The following VAV2 variants were observed in gnomAD, a reference collection of about 807,000 sequenced individuals.
VAV2 encodes vav guanine nucleotide exchange factor 2.
A neutral mutation model predicts 132.5 loss-of-function variants in VAV2; 67 were observed. That is an observed-to-expected ratio of 0.51 (90% CI 0.42 to 0.62). The LOEUF is 0.62. VAV2 is among the 20% of genes least tolerant of loss of function. The pLI is 0.00. For synonymous variants in VAV2, 492 were observed against 443.5 expected, an observed-to-expected ratio of 1.11 and a Z score of -1.37; for missense variants, 938 against 1,153.6, an observed-to-expected ratio of 0.81 and a Z score of 2.71.
chr9:133,817,561 T>C (rs956329295), intron 4 of VAV2, among the ~76,000 whole-genome samples: 1 of 152,110 alleles, frequency 6.6e-6, no homozygotes, highest in African/African-American at 2.4e-5. Flanking sequence ...TGAGCTGAGA[T>C]TGCACCACTG....
At chr9:133,850,123 G>A (rs1384273356) in intron 3 of VAV2, among the ~76,000 whole-genome samples, 1 of 152,164 alleles carries the variant, frequency 6.6e-6, no homozygotes, top group African/African-American at 2.4e-5. Context: ...CACCAGCTCT[G>A]CCCATCAGGC....
At chr9:133,809,314 CCCATT>C (rs1014390948) in intron 6 of VAV2, among the ~76,000 whole-genome samples, 176 bp from the exon 7 acceptor site, 1 of 152,192 alleles carries the variant, frequency 6.6e-6, no homozygotes, top group African/African-American at 2.4e-5. Context: ...CCAACCCCTT[CCCATT>C]CATTTTGCAG....
intron 1 of VAV2, among the ~76,000 whole-genome samples, chr9:133,976,534 T>C (rs1187467850): frequency 6.6e-6 from 1 of 152,218 alleles, no homozygotes; most frequent in Admixed American, 6.5e-5. Context: ...AGGGAGAGGC[T>C]ATTTATTTTA....
chr9:133,871,375 TGGATGGATGGATGAATAGATGGACGGAC>T (rs1456981154), intron 2 of VAV2, among the ~76,000 whole-genome samples: 2 of 150,650 alleles, frequency 1.3e-5, no homozygotes, highest in East Asian at 3.9e-4. Context: ...GGTGGGTGGA[TGGATGGATGGATGAATAGATGGACGGAC>T]GGATGGATGG....
intron 2 of VAV2, among the ~76,000 whole-genome samples, chr9:133,893,711 T>C (rs767551197): frequency 2.6e-5 from 4 of 152,164 alleles, no homozygotes; most frequent in East Asian, 1.9e-4. Flanking sequence ...GCAGCTTTCA[T>C]TGCCTGAACC....
intron 2 of VAV2, among the ~76,000 whole-genome samples, chr9:133,870,192 T>C (rs1383366645): frequency 2.0e-5 from 3 of 152,124 alleles, no homozygotes; most frequent in Non-Finnish European, 2.9e-5. Context: ...TCTCAGCCAG[T>C]GCATTGGGCA....
Position 133,834,253 on chromosome 9 carries a change from T to C in VAV2, c.449+19A>G. On this transcript the variant is annotated intron_variant, in intron 4 of 29. Transcript: ENST00000371850. This position sits in a 1 kb window ranked among gnomAD's most constrained non-coding sequence, Gnocchi z 5.9. ...GCCCCTCCCTCCTCTCCATCCCTCC[T>C]CCCATCCCCCCGCCTTACTCGGCCA... 6.8e-7 allele frequency: 1 copy of C among 1,473,934 alleles called. No homozygotes were observed. The highest frequency in any genetic ancestry group is 9.3e-7 in the Non-Finnish European group (1 of 1,072,990). The allele number at this position is 1,473,934 out of a possible 1,614,324, so 91.3% of individuals were successfully genotyped here. A position where few individuals can be genotyped will look rare whatever the true frequency, so the allele number is the denominator to read the frequency against.
At position 133,850,459 on chromosome 9, in the gene VAV2, T is replaced by C. The variant is rs571436776; in HGVS notation, c.380+10915A>G. Among the ~76,000 whole-genome samples the C allele has an allele frequency of 6.6e-5, 10 of 151,964 alleles. No homozygotes were observed. The South Asian group carries it at 1.7e-3, about 25-fold the overall frequency. On this transcript the variant is annotated intron_variant, in intron 3 of 29. Coordinates refer to ENST00000371850, the MANE Select transcript of VAV2 (RefSeq NM_001134398.2). ...CGGGCCCAGCAGAACAAGGCACCAA[T>C]AGAATGAGGAACGAATGAGGGAATG...
chr9:133,834,734 G>A lies in VAV2; in HGVS notation c.381-394C>T, dbSNP rs998710126. Among the ~76,000 whole-genome samples, 1 of 152,200 alleles carries A rather than the reference G, an allele frequency of 6.6e-6. No individual in the cohort carries two copies. The highest frequency in any genetic ancestry group is 2.4e-5 in the African/African-American group (1 of 41,448). ...AGATGAGGCTCCTCGCACACCTCCTGGTGGGCAGGTGGGAGGGCTGCCAGC... is the reference window on the plus strand; with the variant it reads ...AGATGAGGCTCCTCGCACACCTCCTAGTGGGCAGGTGGGAGGGCTGCCAGC... On this transcript the variant is annotated intron_variant, in intron 3 of 29. Transcript: ENST00000371850. This position sits in a 1 kb window ranked among gnomAD's most constrained non-coding sequence, Gnocchi z 5.9.
At chr9:133,777,870 A>G (rs1434491888) in intron 22 of VAV2, among the ~76,000 whole-genome samples, 1 of 152,192 alleles carries the variant, frequency 6.6e-6, no homozygotes, top group African/African-American at 2.4e-5. Flanking sequence ...ACCATGACAA[A>G]ATGACCACAG....
At chr9:133,924,734 T>C (rs1317414332) in intron 2 of VAV2, among the ~76,000 whole-genome samples, 1 of 152,146 alleles carries the variant, frequency 6.6e-6, no homozygotes, top group East Asian at 1.9e-4. Flanking sequence ...TCCTGAGCCC[T>C]GGAAGGGAGG....
intron 2 of VAV2, among the ~76,000 whole-genome samples, chr9:133,880,028 G>A (rs937265576): frequency 2.0e-5 from 3 of 152,224 alleles, no homozygotes; most frequent in African/African-American, 7.2e-5. Context: ...ATGAGAGTGA[G>A]GACACGGATA....
rs540359115 is a variant in VAV2, at chr9:133,939,237, AG to A, written c.205-19del. 1,391 of 1,605,158 alleles carry A rather than the reference AG, an allele frequency of 8.7e-4. 12 individuals are homozygous for A. The African/African-American group carries it at 0.016, about 19-fold the overall frequency. On this transcript the variant is annotated intron_variant, in intron 1 of 29. Transcript: ENST00000371850. Reference sequence around the variant, plus strand: ...CACAGAAACTAAAGGGAAAAAACAAAGGGAGGGCAAGGAAAAACTTATTAAA... The same window carrying A: ...CACAGAAACTAAAGGGAAAAAACAAAGGAGGGCAAGGAAAAACTTATTAAA...
intron 9 of VAV2, among the ~76,000 whole-genome samples, chr9:133,799,111 G>T (rs1035503520): frequency 6.6e-6 from 1 of 152,256 alleles, no homozygotes; most frequent in African/African-American, 2.4e-5. Context: ...CGTCCTGATG[G>T]TGGGGTCTTG....
At chr9:133,858,645 C>G (rs1184356671) in intron 3 of VAV2, among the ~76,000 whole-genome samples, 1 of 152,200 alleles carries the variant, frequency 6.6e-6, no homozygotes, top group Non-Finnish European at 1.5e-5. Context: ...GGGCCGAGCC[C>G]TGAGCCCTGG....
At chr9:133,784,167 C>T (rs1475036654) in intron 18 of VAV2, 150 bp downstream of exon 18, 1 of 826,350 alleles carries the variant, frequency 1.2e-6, no homozygotes, top group African/African-American at 1.7e-5. Flanking sequence ...GCCACCATGC[C>T]TGGCACGGGC....
intron 2 of VAV2, among the ~76,000 whole-genome samples, chr9:133,903,735 G>GA (rs1339351337): frequency 6.6e-6 from 1 of 152,076 alleles, no homozygotes; most frequent in Non-Finnish European, 1.5e-5. Flanking sequence ...AACAGCGTCA[G>GA]AAAAAATTCT....
intron 19 of VAV2, 135 bp downstream of exon 19, chr9:133,783,368 C>T: frequency 1.3e-6 from 1 of 776,592 alleles, no homozygotes; most frequent in Admixed American, 2.0e-5. Flanking sequence ...TGCTCTGGGG[C>T]ACGTGAGCAC....
chr9:133,791,680 G>A (rs372234868), intron 13 of VAV2, 103 bp downstream of exon 13: 2 of 991,614 alleles, frequency 2.0e-6, no homozygotes, highest in Non-Finnish European at 1.6e-6. Context: ...GGCAGCCATG[G>A]TGTGGCTGCC....
Sources: allele counts gnomAD v4.1 joint callset (sites outside exome capture counted in the v4.1 genomes callset), GRCh38; gene constraint gnomAD v4.1.1; non-coding constraint Gnocchi (gnomAD v3.1); transcripts MANE v1.5; gene names NCBI Gene and HGNC (gene_info 2026-07-23, HGNC 2026-07-21).